RFX4: variants seen among roughly 807,000 people sequenced by gnomAD.
RFX4 encodes the protein transcription factor RFX4.
In RFX4, 10 loss-of-function variants were observed where a neutral mutation model predicts 95.0. The ratio of observed to expected loss-of-function variants is 0.11; its 90% confidence interval spans 0.06 to 0.18. The LOEUF (loss-of-function observed/expected upper bound fraction) is 0.18, where lower values mean the gene tolerates loss of function less well. RFX4 is among the 10% of genes least tolerant of loss of function. RFX4 has a pLI of 1.00. For missense variants in RFX4, 640 were observed against 922.0 expected, an observed-to-expected ratio of 0.69 and a Z score of 3.96; for synonymous variants, 321 against 340.7, an observed-to-expected ratio of 0.94 and a Z score of 0.64.
chr12:106,597,232 A>G (rs2039633541), intron 1 of RFX4, among the ~76,000 whole-genome samples: 1 of 152,080 alleles, frequency 6.6e-6, no homozygotes, highest in Non-Finnish European at 1.5e-5. Flanking sequence ...CCTCATAATA[A>G]CCTCATGGGG....
At chr12:106,587,701 C>T (rs2039481140) in intron 1 of RFX4, among the ~76,000 whole-genome samples, 1 of 152,234 alleles carries the variant, frequency 6.6e-6, no homozygotes, top group Admixed American at 6.5e-5. Flanking sequence ...GCCACAGGCT[C>T]ACCAACGTGA....
intron 3 of RFX4, among the ~76,000 whole-genome samples, chr12:106,644,404 T>G (rs1452543882): frequency 2.0e-5 from 3 of 152,074 alleles, no homozygotes; most frequent in Admixed American, 2.0e-4. Flanking sequence ...CAGCTAATTT[T>G]TGTATTTTGG....
chr12:106,708,765 G>A (rs1440586899), intron 8 of RFX4, among the ~76,000 whole-genome samples: 1 of 152,188 alleles, frequency 6.6e-6, no homozygotes, highest in Non-Finnish European at 1.5e-5. Context: ...CCTGCTCAGT[G>A]CTTCGCCTCT....
intron 4 of RFX4, among the ~76,000 whole-genome samples, chr12:106,675,624 C>T (rs1009508282): frequency 1.3e-5 from 2 of 152,046 alleles, no homozygotes; most frequent in Non-Finnish European, 2.9e-5. Flanking sequence ...TATTTGTCAA[C>T]TTTAATTTTA....
intron 15 of RFX4, among the ~76,000 whole-genome samples, chr12:106,742,569 C>T (rs1251699704): frequency 5.3e-5 from 8 of 152,164 alleles, no homozygotes. Flanking sequence ...AAGTGTGGTT[C>T]ACAGACCAAC....
chr12:106,650,238 A>G (rs1246190418), intron 3 of RFX4, among the ~76,000 whole-genome samples: 1 of 152,198 alleles, frequency 6.6e-6, no homozygotes, highest in African/African-American at 2.4e-5. Context: ...TAGTGTGTTC[A>G]TGGATTTTTT....
chr12:106,658,117 C>T (rs1006171263), intron 4 of RFX4, among the ~76,000 whole-genome samples: 2 of 152,164 alleles, frequency 1.3e-5, no homozygotes, highest in Non-Finnish European at 2.9e-5. Context: ...AATAAGCCCT[C>T]AGATATTTGT....
At chr12:106,699,669 A>G (rs993474941) in intron 8 of RFX4, among the ~76,000 whole-genome samples, 1 of 152,144 alleles carries the variant, frequency 6.6e-6, no homozygotes, top group Non-Finnish European at 1.5e-5. Flanking sequence ...TTTCTTGTTC[A>G]GAAGTTTACT....
intron 14 of RFX4, 106 bp from the exon 15 acceptor site, chr12:106,732,816 AAG>A: frequency 2.7e-6 from 3 of 1,111,116 alleles, no homozygotes; most frequent in Non-Finnish European, 3.9e-6. Context: ...AGAGTTTGAC[AAG>A]AGAGTGACAT....
At chr12:106,631,198 G>A (rs2040409989) in intron 2 of RFX4, among the ~76,000 whole-genome samples, 1 of 152,182 alleles carries the variant, frequency 6.6e-6, no homozygotes, top group Non-Finnish European at 1.5e-5. Flanking sequence ...GGCACAATAT[G>A]AGTCCTCAAT....
intron 4 of RFX4, among the ~76,000 whole-genome samples, chr12:106,667,777 T>C (rs993596972): frequency 3.9e-5 from 6 of 152,244 alleles, no homozygotes; most frequent in African/African-American, 1.4e-4. Context: ...CAGTTTGTTT[T>C]GCTTTTTACT....
chr12:106,583,367 A>G lies in RFX4; in HGVS notation c.43+4A>G. The G allele has an allele frequency of 6.3e-7, 1 of 1,577,398 alleles. No homozygotes were observed. Among genetic ancestry groups the G allele is most frequent in the Non-Finnish European group, 8.6e-7 (1 of 1,166,394 alleles). On this transcript the variant is annotated splice_donor_region_variant and intron_variant, in intron 1 of 17. Transcript: ENST00000392842. The stretch of plus-strand genomic sequence containing the variant: ...GAACCCGACATGGATTCCACAGGTT[A>G]GTCCTACTGGCGGGGTTGGGGGGAT...
intron 4 of RFX4, among the ~76,000 whole-genome samples, chr12:106,674,877 C>T (rs2137378354): frequency 6.6e-6 from 1 of 152,258 alleles, no homozygotes; most frequent in African/African-American, 2.4e-5. Flanking sequence ...TACCATTAGC[C>T]AACCTATTAT....
intron 2 of RFX4, among the ~76,000 whole-genome samples, chr12:106,624,450 G>C (rs928656982): frequency 2.6e-5 from 4 of 151,954 alleles, no homozygotes; most frequent in Non-Finnish European, 5.9e-5. Context: ...TCAGCCTTCC[G>C]AGCAGCTGGG....
intron 2 of RFX4, among the ~76,000 whole-genome samples, chr12:106,627,228 A>G (rs2040320161): frequency 6.6e-6 from 1 of 152,234 alleles, no homozygotes; most frequent in African/African-American, 2.4e-5. Context: ...AAGGTGACTC[A>G]TCACTATTGT....
At chr12:106,630,858 T>A (rs977337865) in intron 2 of RFX4, among the ~76,000 whole-genome samples, 1 of 152,212 alleles carries the variant, frequency 6.6e-6, no homozygotes, top group Non-Finnish European at 1.5e-5. Flanking sequence ...ATGAGGCAGA[T>A]AATAACTTCT....
Position 106,639,896 on chromosome 12 carries a change from A to C in RFX4, c.191+504A>C, listed in dbSNP as rs191692647. ...TTGCACTTGTGTTTGATATTTACAG[A>C]TAAATTCTCCTCTAAAAGCTTTATT... On this transcript the variant is annotated intron_variant, in intron 3 of 17. Coordinates refer to ENST00000392842, the MANE Select transcript of RFX4 (RefSeq NM_213594.3). Among the ~76,000 whole-genome samples, 63 of 152,356 alleles carry C rather than the reference A, an allele frequency of 4.1e-4. 3 individuals are homozygous for C. In the East Asian group the frequency reaches 0.011, roughly 26 times the overall value.
At chr12:106,732,891 G>T (rs755837434) in intron 14 of RFX4, 33 bp from the exon 15 acceptor site, 1 of 1,597,432 alleles carries the variant, frequency 6.3e-7, no homozygotes, top group African/African-American at 1.3e-5. Flanking sequence ...CTTTACATTT[G>T]GTTTTAAAAA....
At chr12:106,616,330 T>C (rs1184816849) in intron 2 of RFX4, among the ~76,000 whole-genome samples, 1 of 152,198 alleles carries the variant, frequency 6.6e-6, no homozygotes, top group Non-Finnish European at 1.5e-5. Flanking sequence ...AGTATTATCT[T>C]TTTTATATAC....
Sources: gnomAD v4.1 joint callset for allele counts (sites outside exome capture counted in the v4.1 genomes callset) on GRCh38, gnomAD v4.1.1 for gene constraint, MANE v1.5 for transcripts, NCBI Gene and HGNC (gene_info 2026-07-23, HGNC 2026-07-21) for gene names.